PRR16: variants seen among roughly 807,000 people sequenced by gnomAD.
The protein encoded by PRR16 is proline rich 16.
A neutral mutation model predicts 18.2 loss-of-function variants in PRR16; 6 were observed. That is an observed-to-expected ratio of 0.33 (90% CI 0.18 to 0.65). The LOEUF is 0.65. Among genes scored for constraint, PRR16 ranks in the 30% least tolerant of loss-of-function variants. PRR16 has a pLI of 0.74. For synonymous variants in PRR16, 151 were observed against 147.8 expected (o/e 1.02, Z -0.16); for missense variants, 412 against 376.6 (o/e 1.09, Z -0.78).
intron 1 of PRR16, among the ~76,000 whole-genome samples, chr5:120,639,120 T>C (rs1352156345): frequency 6.6e-6 from 1 of 152,100 alleles, no homozygotes; most frequent in Non-Finnish European, 1.5e-5. Flanking sequence ...TTACTAGCAA[T>C]AACTTATTTT....
chr5:120,749,501 G>A, the PRR16 span, among the ~76,000 whole-genome samples: 15,756 of 152,010 alleles, frequency 0.1, 1,036 homozygotes, highest in African/African-American at 0.18. Flanking sequence ...TGTTTTCCAA[G>A]TGTTGCTATT....
chr5:120,554,264 T>C (rs1026084028), intron 1 of PRR16, among the ~76,000 whole-genome samples: 1 of 151,908 alleles, frequency 6.6e-6, no homozygotes, highest in Non-Finnish European at 1.5e-5. Context: ...ATAGTATTTA[T>C]TTGCTTGTCA....
intron 1 of PRR16, among the ~76,000 whole-genome samples, chr5:120,627,324 C>T (rs1489186801): frequency 1.3e-5 from 2 of 152,056 alleles, no homozygotes; most frequent in African/African-American, 4.8e-5. Flanking sequence ...TTAGTAGATA[C>T]TTAACAAGTA....
chr5:120,691,653 G>T (rs937942330), downstream of PRR16, among the ~76,000 whole-genome samples: 1 of 152,056 alleles, frequency 6.6e-6, no homozygotes, highest in Non-Finnish European at 1.5e-5. Context: ...CCTCTAAAGC[G>T]TGCTTACAAC....
At chr5:120,775,727 C>G in the PRR16 span, among the ~76,000 whole-genome samples, 1 of 150,004 alleles carries the variant, frequency 6.7e-6, no homozygotes, top group Non-Finnish European at 1.5e-5. Context: ...ACCTCTCAGG[C>G]TCAAGCGATT....
At chr5:120,693,246 A>ACC in the PRR16 span, among the ~76,000 whole-genome samples, 1 of 151,984 alleles carries the variant, frequency 6.6e-6, no homozygotes, top group Admixed American at 6.6e-5. Context: ...CACTTACTCA[A>ACC]CCAGGTTTGA....
At chr5:120,631,565 C>T (rs1755055596) in intron 1 of PRR16, among the ~76,000 whole-genome samples, 1 of 152,104 alleles carries the variant, frequency 6.6e-6, no homozygotes, top group Non-Finnish European at 1.5e-5. Flanking sequence ...GCTGGCATTT[C>T]CCCATTTCGC....
the PRR16 span, chr5:120,790,522 GCT>G: frequency 6.6e-6 from 1 of 152,210 alleles, no homozygotes; most frequent in Non-Finnish European, 1.5e-5. Flanking sequence ...GACGAATGTT[GCT>G]GTTTGCAGAC....
At chr5:120,570,044 T>C (rs1014962418) in intron 1 of PRR16, among the ~76,000 whole-genome samples, 30 of 152,288 alleles carry the variant, frequency 2.0e-4, no homozygotes, top group African/African-American at 7.2e-4. Flanking sequence ...TCTCTGTTAT[T>C]GTTTCTTGAC....
At chr5:120,779,928 G>T in the PRR16 span, among the ~76,000 whole-genome samples, 1 of 152,080 alleles carries the variant, frequency 6.6e-6, no homozygotes, top group Non-Finnish European at 1.5e-5. Flanking sequence ...CAGCATTCCT[G>T]TGGAGTGATC....
At chr5:120,774,193 A>G in the PRR16 span, among the ~76,000 whole-genome samples, 3 of 152,240 alleles carry the variant, frequency 2.0e-5, no homozygotes, top group Non-Finnish European at 2.9e-5. Flanking sequence ...AGCAGCTGCT[A>G]TGGTTTCATG....
At chr5:120,792,534 T>G in the PRR16 span, among the ~76,000 whole-genome samples, 1 of 152,208 alleles carries the variant, frequency 6.6e-6, no homozygotes, top group Non-Finnish European at 1.5e-5. Flanking sequence ...CTTAACAGGT[T>G]TCATTTTTAT....
chr5:120,552,823 T>C (rs1042698692), intron 1 of PRR16, among the ~76,000 whole-genome samples: 8 of 151,926 alleles, frequency 5.3e-5, no homozygotes, highest in African/African-American at 1.9e-4. Flanking sequence ...GTGTCATACC[T>C]GAAGTTATTT....
intron 1 of PRR16, among the ~76,000 whole-genome samples, chr5:120,611,424 G>C (rs1754329167): frequency 6.6e-6 from 1 of 152,114 alleles, no homozygotes; most frequent in Admixed American, 6.5e-5. Context: ...TGCCATCACA[G>C]GCCCAGAGGC....
chr5:120,617,733 G>C (rs1754562433), intron 1 of PRR16, among the ~76,000 whole-genome samples: 2 of 152,022 alleles, frequency 1.3e-5, no homozygotes, highest in African/African-American at 2.4e-5. Flanking sequence ...TAAGACAATA[G>C]TCTTTTTTTA....
chr5:120,688,761 T>A (rs1246617120), downstream of PRR16, among the ~76,000 whole-genome samples: 1 of 152,160 alleles, frequency 6.6e-6, no homozygotes, highest in African/African-American at 2.4e-5. Context: ...CCAAGCCCGA[T>A]CCCAAGGTAG....
At chr5:120,569,531 A>G (rs1289097429) in intron 1 of PRR16, among the ~76,000 whole-genome samples, 1 of 152,170 alleles carries the variant, frequency 6.6e-6, no homozygotes, top group Non-Finnish European at 1.5e-5. Context: ...AGATAATGAA[A>G]TAAAACTCAT....
chr5:120,629,628 T>A (rs1754989006), intron 1 of PRR16, among the ~76,000 whole-genome samples: 1 of 152,176 alleles, frequency 6.6e-6, no homozygotes, highest in Non-Finnish European at 1.5e-5. Flanking sequence ...TTTACTGACA[T>A]GCTTTCCAAT....
intron 1 of PRR16, among the ~76,000 whole-genome samples, chr5:120,642,358 G>A (rs1038624104): frequency 6.6e-6 from 1 of 151,702 alleles, no homozygotes; most frequent in Non-Finnish European, 1.5e-5. Flanking sequence ...GAATTAATTA[G>A]ATGTAAAGTT....
Sources: gnomAD v4.1 joint callset for allele counts (sites outside exome capture counted in the v4.1 genomes callset) on GRCh38, gnomAD v4.1.1 for gene constraint, MANE v1.5 for transcripts, NCBI Gene and HGNC (gene_info 2026-07-23, HGNC 2026-07-21) for gene names.